NRAP: variants seen among roughly 807,000 people sequenced by gnomAD.
NRAP encodes nebulin related anchoring protein, also known as nebulin-related-anchoring protein.
In NRAP, 189 loss-of-function variants were observed where a neutral mutation model predicts 225.9. The observed-to-expected ratio is 0.84, with a 90% CI of 0.74 to 0.94. The LOEUF is 0.94. Among genes scored for constraint, NRAP ranks in the 40% least tolerant of loss-of-function variants. The pLI is 0.00. For missense variants in NRAP, 2,176 were observed against 2,168.7 expected, an observed-to-expected ratio of 1.00 and a Z score of -0.07; for synonymous variants, 769 against 790.7, an observed-to-expected ratio of 0.97 and a Z score of 0.46.
In NRAP at chr10:113,652,999, C is replaced by T. The variant is rs752677060; in HGVS notation, c.506G>A (p.Ser169Asn). The T allele has an allele frequency of 5.6e-6, 9 of 1,612,862 alleles. No individual in the cohort carries two copies. The Admixed American group carries it at 1.2e-4, about 21-fold the overall frequency. ...AGCAGGTGTGATCATGGCTGGAAAG[C>T]TCCCCTTGCCCCTGGGTTGCTCATA... ...EDYEQPRGKG[S>N]FPAMITPAYQ... is the part of the protein sequence containing the mutation. The change falls in exon 6 of 42, where the codon AGC (serine) becomes AAC (asparagine). Residue 169 changes from serine (S) to asparagine (N), a missense_variant. Coordinates refer to ENST00000359988, the MANE Select transcript of NRAP (RefSeq NM_198060.4).
intron 11 of NRAP, among the ~76,000 whole-genome samples, chr10:113,645,173 T>G (rs1849427314): frequency 6.6e-6 from 1 of 152,204 alleles, no homozygotes; most frequent in African/African-American, 2.4e-5. Context: ...TTGAAACATC[T>G]TTCAGATGTT....
At chr10:113,657,956 T>G (rs1016730628) in intron 3 of NRAP, among the ~76,000 whole-genome samples, 1 of 152,218 alleles carries the variant, frequency 6.6e-6, no homozygotes, top group African/African-American at 2.4e-5. Flanking sequence ...CTCCTCAATT[T>G]TATGAAGATA....
At chr10:113,652,909 TG>T in intron 6 of NRAP, 25 bp downstream of exon 6, 1 of 1,500,472 alleles carries the variant, frequency 6.7e-7, no homozygotes, top group Non-Finnish European at 9.2e-7. Context: ...GCATAATCAA[TG>T]GTGAAAAAGC....
chr10:113,619,175 A>G (rs1847842386), intron 25 of NRAP, among the ~76,000 whole-genome samples: 1 of 152,222 alleles, frequency 6.6e-6, no homozygotes, highest in Non-Finnish European at 1.5e-5. Context: ...GGTCCCCTGA[A>G]GATCCCTTGG....
intron 35 of NRAP, among the ~76,000 whole-genome samples, chr10:113,603,259 C>T (rs1846719032): frequency 6.6e-6 from 1 of 152,108 alleles, no homozygotes; most frequent in Admixed American, 6.5e-5. Flanking sequence ...AGTGGGGGAG[C>T]TATGGTTGGA....
intron 19 of NRAP, among the ~76,000 whole-genome samples, chr10:113,629,246 G>A (rs1213980280): frequency 2.0e-5 from 3 of 152,090 alleles, no homozygotes; most frequent in Admixed American, 1.3e-4. Flanking sequence ...CGCAACCTTA[G>A]CAAAAAGAGT....
rs531950079 is a variant in NRAP at position 113,631,967 on chromosome 10, G to C, written c.1633-3C>G. 168 of 1,574,174 alleles carry C rather than the reference G, an allele frequency of 1.1e-4. No homozygotes were observed. The Admixed American group carries it at 2.8e-3, about 26-fold the overall frequency. On this transcript the variant is annotated splice_region_variant and splice_polypyrimidine_tract_variant and intron_variant, in intron 16 of 41. Coordinates refer to ENST00000359988, the MANE Select transcript of NRAP (RefSeq NM_198060.4). ...TCCCAGCCTTCTTTATACTTAACCT[G>C]ACAAACAAAACCACAAGTGAATAGG...
At chr10:113,652,850 C>T in intron 6 of NRAP, 85 bp downstream of exon 6, 1 of 879,434 alleles carries the variant, frequency 1.1e-6, no homozygotes, top group Non-Finnish European at 1.9e-6. Context: ...AAAGCACTCT[C>T]TTACTGTTTT....
chr10:113,637,006 CAAAAAAAAA>C (rs59937257), intron 14 of NRAP, among the ~76,000 whole-genome samples: 3 of 89,266 alleles, frequency 3.4e-5, no homozygotes, highest in South Asian at 4.4e-4. Context: ...GACTTCATCT[CAAAAAAAAA>C]AAAAAAAAAA....
At position 113,653,001 on chromosome 10, in the gene NRAP, C is replaced by T. The variant is rs2134173235; in HGVS notation, c.504G>A (p.Gly168=). The T allele has an allele frequency of 8.1e-6, 13 of 1,612,716 alleles. No individual in the cohort carries two copies. The highest frequency in any genetic ancestry group is 1.1e-5 in the Non-Finnish European group (13 of 1,179,568). The change falls in exon 6 of 42, where the codon GGG becomes GGA. Residue 168 remains glycine, a synonymous_variant. Transcript: ENST00000359988. The stretch of plus-strand genomic sequence containing the variant: ...CAGGTGTGATCATGGCTGGAAAGCT[C>T]CCCTTGCCCCTGGGTTGCTCATAGT... ...TEDYEQPRGK[G]SFPAMITPAY... is the part of the protein sequence containing the mutation.
chr10:113,622,486 G>C (rs2419852), intron 23 of NRAP, among the ~76,000 whole-genome samples: 134,514 of 152,218 alleles, frequency 0.88, 59,469 homozygotes, highest in East Asian at 0.91. Context: ...GAAAGGAACT[G>C]AAATTAAAAG....
At chr10:113,618,631 C>T (rs905730297) in intron 25 of NRAP, among the ~76,000 whole-genome samples, 6 of 152,186 alleles carry the variant, frequency 3.9e-5, no homozygotes, top group Non-Finnish European at 5.9e-5. Context: ...TCAACAGTGC[C>T]GGGCATTCTC....
At position 113,663,798 on chromosome 10, in the gene NRAP, A is replaced by C; in HGVS notation, c.72+13T>G. ...TTGTTATTATTCACAAAAGCCAAGA[A>C]ATGTCTACTGACCTGATCTATACAG... is the stretch of plus-strand genomic sequence containing the variant. On this transcript the variant is annotated intron_variant, in intron 1 of 41. Transcript: ENST00000359988. The C allele has an allele frequency of 6.2e-7, 1 of 1,601,718 alleles. No homozygotes were observed. The highest frequency in any genetic ancestry group is 2.2e-5 in the East Asian group (1 of 44,810).
rs777477107 is a variant in NRAP at position 113,589,718 on chromosome 10, C to T, written c.5036G>A (p.Arg1679Gln). ...PPGSYKVEMA[R>Q]RAAELANARG... ...TGCGTTGGCCAGTTCCGCAGCCCGC[C>T]GAGCCATTTCCACTTTGTAGGAGCC... is the stretch of plus-strand genomic sequence containing the variant. The change falls in exon 41 of 42, where the codon CGG becomes CAG. Residue 1679 changes from arginine to glutamine, a missense_variant. This residue lies in a region of NRAP where 445 missense variants were observed against 426.1 expected (regional missense o/e 1.04). Transcript: ENST00000359988. 21 of 1,612,826 alleles carry T rather than the reference C, an allele frequency of 1.3e-5. No homozygotes were observed. The highest frequency in any genetic ancestry group is 2.2e-5 in the East Asian group (1 of 44,784).
chr10:113,650,611 G>A (rs371315182), intron 7 of NRAP, 66 bp from the exon 8 acceptor site: 1 of 1,102,660 alleles, frequency 9.1e-7, no homozygotes, highest in Non-Finnish European at 1.4e-6. Context: ...GAGATGCTCT[G>A]CTAAGGGTTC....
chr10:113,662,854 A>C (rs372313991), intron 2 of NRAP, 88 bp from the exon 3 acceptor site: 1 of 603,956 alleles, frequency 1.7e-6, no homozygotes. Flanking sequence ...TTAAATAATA[A>C]CAGTTATTTT....
chr10:113,633,283 G>A (rs181066158), intron 15 of NRAP, 95 bp from the exon 16 acceptor site: 7 of 704,682 alleles, frequency 9.9e-6, no homozygotes, highest in Admixed American at 9.1e-5. Context: ...CCATAGTTGA[G>A]AAGGAGTTTC....
At chr10:113,589,448 G>A (rs1845805000) in intron 41 of NRAP, 2 of 612,990 alleles carry the variant, frequency 3.3e-6, no homozygotes, top group Non-Finnish European at 5.6e-6. Flanking sequence ...AGAACTAATG[G>A]CTGTGACTTC....
rs556787480 is a variant in NRAP, at chr10:113,644,062, C to A, written c.1111-1024G>T. 2.2e-5 allele frequency among the ~76,000 whole-genome samples: 3 copies of A among 136,392 alleles called. No homozygotes were observed. The East Asian group carries it at 6.9e-4, about 31-fold the overall frequency. The allele number at this position is 136,392 out of a possible 152,430, so 89.5% of individuals were successfully genotyped here. A position where few individuals can be genotyped will look rare whatever the true frequency, so the allele number is the denominator to read the frequency against. On this transcript the variant is annotated intron_variant, in intron 11 of 41. Transcript: ENST00000359988. ...ACTCAGGAGGCTGAGGAAGGGGAAT[C>A]GCTTGACGTGGGAGGTGGAGGTTGC...
Sources: allele counts gnomAD v4.1 joint callset (sites outside exome capture counted in the v4.1 genomes callset), GRCh38; gene constraint gnomAD v4.1.1; regional missense constraint gnomAD v4.1.1; transcripts MANE v1.5; gene names NCBI Gene and HGNC (gene_info 2026-07-23, HGNC 2026-07-21).